LHFPL6: variants seen among roughly 807,000 people sequenced by gnomAD.
LHFPL6 encodes the protein LHFPL tetraspan subfamily member 6.
A neutral mutation model predicts 20.6 loss-of-function variants in LHFPL6; 9 were observed. The observed-to-expected ratio is 0.44, with a 90% CI of 0.26 to 0.76. The LOEUF (loss-of-function observed/expected upper bound fraction) is 0.76. LHFPL6 is among the 30% of genes least tolerant of loss of function. The pLI is 0.20. For missense variants in LHFPL6, 218 were observed against 253.5 expected (o/e 0.86, Z 0.95); for synonymous variants, 105 against 98.7 (o/e 1.06, Z -0.38).
At chr13:39,597,384 C>T (rs1047282190) in intron 2 of LHFPL6, among the ~76,000 whole-genome samples, 1 of 152,154 alleles carries the variant, frequency 6.6e-6, no homozygotes, top group Non-Finnish European at 1.5e-5. Flanking sequence ...CTTACTAATA[C>T]GTGCACCAAA....
chr13:39,421,908 C>T (rs535284619), intron 2 of LHFPL6, among the ~76,000 whole-genome samples: 2 of 152,308 alleles, frequency 1.3e-5, no homozygotes, highest in Admixed American at 1.3e-4. Context: ...AATCTGTACA[C>T]TCATAAAGAA....
In LHFPL6 at chr13:39,601,351, G is replaced by A. The variant is rs2138558237; in HGVS notation, c.-135C>T. On this transcript the variant is annotated 5_prime_UTR_variant, in exon 2 of 4. Transcript: ENST00000379589. ...GCAGAATGGATCTTCAGTCTTACTGGGCATCAACTTTCCATCCTCTGCACT... is the reference window on the plus strand; with the variant it reads ...GCAGAATGGATCTTCAGTCTTACTGAGCATCAACTTTCCATCCTCTGCACT... 1 of 818,254 alleles carries A rather than the reference G, an allele frequency of 1.2e-6. No individual in the cohort carries two copies. The highest frequency in any genetic ancestry group is 1.8e-6 in the Non-Finnish European group (1 of 553,316). 50.7% of individuals were successfully genotyped at this position (818,254 alleles called of 1,614,324 possible). A position where few individuals can be genotyped will look rare whatever the true frequency, so the allele number is the denominator to read the frequency against.
intron 3 of LHFPL6, among the ~76,000 whole-genome samples, chr13:39,355,017 C>T (rs1196473581): frequency 6.7e-6 from 1 of 150,008 alleles, no homozygotes; most frequent in Non-Finnish European, 1.5e-5. Context: ...TCCACAATCT[C>T]ACTAGGGAAG....
At chr13:39,418,041 T>A (rs1471737090) in intron 2 of LHFPL6, among the ~76,000 whole-genome samples, 1 of 152,156 alleles carries the variant, frequency 6.6e-6, no homozygotes, top group Non-Finnish European at 1.5e-5. Flanking sequence ...TCTTCTAAGA[T>A]AAGCCCAAAT....
intron 2 of LHFPL6, among the ~76,000 whole-genome samples, chr13:39,577,637 A>G: frequency 6.6e-6 from 1 of 151,546 alleles, no homozygotes; most frequent in Non-Finnish European, 1.5e-5. Flanking sequence ...CCAACAACTC[A>G]ATTTTTTTTT....
intron 2 of LHFPL6, among the ~76,000 whole-genome samples, chr13:39,586,632 C>T (rs2138544578): frequency 6.6e-6 from 1 of 152,294 alleles, no homozygotes; most frequent in East Asian, 1.9e-4. Context: ...TTCATTGTGA[C>T]AGCAGGTCTT....
chr13:39,459,491 G>A (rs1355051534), intron 2 of LHFPL6, among the ~76,000 whole-genome samples: 1 of 152,062 alleles, frequency 6.6e-6, no homozygotes, highest in Non-Finnish European at 1.5e-5. Flanking sequence ...CAGGATCTGG[G>A]CTGGCTGGAA....
At chr13:39,546,433 T>C (rs771405754) in intron 2 of LHFPL6, among the ~76,000 whole-genome samples, 7 of 152,168 alleles carry the variant, frequency 4.6e-5, no homozygotes, top group Non-Finnish European at 8.8e-5. Context: ...ATAGACATTT[T>C]AATTTGAGAA....
At chr13:39,571,760 C>T (rs1234487898) in intron 2 of LHFPL6, among the ~76,000 whole-genome samples, 1 of 152,240 alleles carries the variant, frequency 6.6e-6, no homozygotes, top group Non-Finnish European at 1.5e-5. Context: ...ATTTAAGGAG[C>T]ACTGTAACAT....
chr13:39,385,503 T>A (rs1022023921), intron 2 of LHFPL6, among the ~76,000 whole-genome samples: 1 of 152,246 alleles, frequency 6.6e-6, no homozygotes, highest in Non-Finnish European at 1.5e-5. Flanking sequence ...GGCCCAAACG[T>A]GAGCTTGGAT....
At chr13:39,345,446 G>A (rs1386621011) in intron 3 of LHFPL6, among the ~76,000 whole-genome samples, 1 of 141,818 alleles carries the variant, frequency 7.1e-6, no homozygotes, top group Non-Finnish European at 1.5e-5. Flanking sequence ...CCAGAAGGTG[G>A]AGGTTGCAGT....
intron 2 of LHFPL6, among the ~76,000 whole-genome samples, chr13:39,549,516 A>G (rs183728913): frequency 6.6e-6 from 1 of 152,260 alleles, no homozygotes; most frequent in Non-Finnish European, 1.5e-5. Context: ...GACAGACTAT[A>G]CAAAATGTTG....
chr13:39,483,483 ATT>A (rs34041103), intron 2 of LHFPL6, among the ~76,000 whole-genome samples: 50 of 137,798 alleles, frequency 3.6e-4, no homozygotes, highest in Non-Finnish European at 4.1e-4. Context: ...CCTCATTACA[ATT>A]TTTTTTTTTT....
intron 2 of LHFPL6, among the ~76,000 whole-genome samples, chr13:39,457,559 A>G (rs952180610): frequency 6.6e-6 from 1 of 152,238 alleles, no homozygotes; most frequent in Non-Finnish European, 1.5e-5. Flanking sequence ...TACTTGGGAA[A>G]GCAGTATAGC....
chr13:39,590,440 T>C (rs1202251406), intron 2 of LHFPL6, among the ~76,000 whole-genome samples: 1 of 152,224 alleles, frequency 6.6e-6, no homozygotes, highest in Non-Finnish European at 1.5e-5. Context: ...GTAGCACCTA[T>C]TGGTACACCC....
chr13:39,538,979 T>C (rs926719025), intron 2 of LHFPL6, among the ~76,000 whole-genome samples: 2 of 152,196 alleles, frequency 1.3e-5, no homozygotes, highest in African/African-American at 4.8e-5. Context: ...CCATTGCAAT[T>C]ACTCAACTTT....
At chr13:39,486,632 GAC>G (rs879544432) in intron 2 of LHFPL6, among the ~76,000 whole-genome samples, 74 of 152,272 alleles carry the variant, frequency 4.9e-4, no homozygotes, top group Admixed American at 4.1e-3. Context: ...CCACTCTAAA[GAC>G]AGATTTACCA....
chr13:39,556,741 T>C (rs544508871), intron 2 of LHFPL6, among the ~76,000 whole-genome samples: 11 of 152,228 alleles, frequency 7.2e-5, no homozygotes, highest in Non-Finnish European at 1.5e-4. Flanking sequence ...GGTGGGAAGA[T>C]TGTTTGAACC....
intron 2 of LHFPL6, among the ~76,000 whole-genome samples, chr13:39,579,347 A>G (rs1420878542): frequency 6.6e-6 from 1 of 152,196 alleles, no homozygotes; most frequent in Non-Finnish European, 1.5e-5. Flanking sequence ...ATTTAATGCC[A>G]GAAGGCTTTT....
Sources: allele counts gnomAD v4.1 joint callset (sites outside exome capture counted in the v4.1 genomes callset), GRCh38; gene constraint gnomAD v4.1.1; transcripts MANE v1.5; gene names NCBI Gene and HGNC (gene_info 2026-07-23, HGNC 2026-07-21).